TRPM1: variants seen among roughly 807,000 people sequenced by gnomAD.
TRPM1 encodes the protein transient receptor potential cation channel subfamily M member 1, also known as TRPM1-203 APA Isoform, Intron 10.
In TRPM1, 113 loss-of-function variants were observed where a neutral mutation model predicts 149.4. The ratio of observed to expected loss-of-function variants is 0.76; its 90% confidence interval spans 0.65 to 0.88. The LOEUF (loss-of-function observed/expected upper bound fraction) is 0.88. Among genes scored for constraint, TRPM1 ranks in the 40% least tolerant of loss-of-function variants. The probability of loss-of-function intolerance (pLI) is 0.00; values close to 1 mark genes in which losing one functional copy is unlikely to be tolerated. For missense variants in TRPM1, 1,976 were observed against 2,038.7 expected (o/e 0.97, Z 0.59); for synonymous variants, 741 against 759.5 (o/e 0.98, Z 0.40).
At chr15:31,100,866 G>A (rs573386544) in intron 1 of TRPM1, among the ~76,000 whole-genome samples, 66 of 152,270 alleles carry the variant, frequency 4.3e-4, no homozygotes, top group African/African-American at 1.5e-3. Flanking sequence ...TGTGCTTCCC[G>A]GTAGCACACA....
chr15:31,038,186 T>G lies in TRPM1; in HGVS notation c.2317-20A>C, dbSNP rs2033488249. ...GATAACCTACGGAACATAAATTGAT[T>G]TTTTAAGCTGTGGCAATTCTAGAAA... On this transcript the variant is annotated intron_variant, in intron 18 of 27. Transcript: ENST00000256552. The G allele has an allele frequency of 6.2e-7, 1 of 1,613,434 alleles. No homozygotes were observed. The highest frequency in any genetic ancestry group is 1.3e-5 in the African/African-American group (1 of 74,910).
Position 31,070,254 on chromosome 15 carries a change from T to C in TRPM1, c.84-28A>G, listed in dbSNP as rs749566355. The C allele has an allele frequency of 8.2e-6, 13 of 1,590,252 alleles. No homozygotes were observed. The South Asian group carries it at 1.4e-4, about 18-fold the overall frequency. On this transcript the variant is annotated intron_variant, in intron 3 of 27. Coordinates refer to ENST00000256552, the MANE Select transcript of TRPM1 (RefSeq NM_001252024.2). ...GAAAACAAAGGCAAAGCAGGGTCTT[T>C]CTACAACAATCTCCCCCTTTCCCCT...
At chr15:31,156,508 C>T (rs1171158791) in intron 1 of TRPM1, among the ~76,000 whole-genome samples, 1 of 152,194 alleles carries the variant, frequency 6.6e-6, no homozygotes, top group Non-Finnish European at 1.5e-5. Context: ...TTAACCCAGA[C>T]ACTTCTTTCT....
At chr15:31,047,556 C>G (rs533584664) in intron 14 of TRPM1, among the ~76,000 whole-genome samples, 4 of 152,166 alleles carry the variant, frequency 2.6e-5, no homozygotes, top group African/African-American at 9.7e-5. Flanking sequence ...AGGGACAGAA[C>G]GAGAGGCTGC....
intron 1 of TRPM1, among the ~76,000 whole-genome samples, chr15:31,095,614 G>A (rs1369367583): frequency 6.6e-6 from 1 of 152,088 alleles, no homozygotes; most frequent in African/African-American, 2.4e-5. Context: ...GAACCCAGGA[G>A]GCAGAGGTTG....
chr15:31,018,908 G>A (rs553224383), intron 27 of TRPM1, among the ~76,000 whole-genome samples: 2 of 152,258 alleles, frequency 1.3e-5, no homozygotes, highest in African/African-American at 4.8e-5. Context: ...AGCCCACCTT[G>A]GCCTCCCAAA....
At chr15:31,005,252 T>C (rs2031947928) in intron 27 of TRPM1, among the ~76,000 whole-genome samples, 1 of 152,172 alleles carries the variant, frequency 6.6e-6, no homozygotes, top group Non-Finnish European at 1.5e-5. Flanking sequence ...GTAAGAGATA[T>C]TGCCGCTGTG....
chr15:31,003,897 T>G (rs967275714), intron 27 of TRPM1, among the ~76,000 whole-genome samples: 8 of 152,130 alleles, frequency 5.3e-5, no homozygotes, highest in Admixed American at 5.2e-4. Context: ...CAACAGCCTA[T>G]GAAACCATAA....
chr15:31,138,996 A>T (rs2036125302), intron 1 of TRPM1, among the ~76,000 whole-genome samples: 1 of 152,128 alleles, frequency 6.6e-6, no homozygotes, highest in Non-Finnish European at 1.5e-5. Context: ...GCCTTTACCT[A>T]TGACCTTTTT....
intron 18 of TRPM1, among the ~76,000 whole-genome samples, chr15:31,039,587 A>G (rs1196922318): frequency 1.3e-5 from 2 of 152,236 alleles, no homozygotes; most frequent in Admixed American, 6.5e-5. Context: ...CCCAAGAGCT[A>G]GGGTTTGATT....
At chr15:31,119,901 T>C (rs896505524) in intron 1 of TRPM1, among the ~76,000 whole-genome samples, 26 of 152,036 alleles carry the variant, frequency 1.7e-4, no homozygotes, top group Admixed American at 1.6e-3. Context: ...TTTTATAAAA[T>C]GCTCAATTGA....
At chr15:31,003,188 G>A (rs2031858514) in intron 27 of TRPM1, 118 bp from the exon 28 acceptor site, 4 of 902,250 alleles carry the variant, frequency 4.4e-6, no homozygotes. Context: ...AACTGTTTGA[G>A]TATATTTACA....
At chr15:31,060,731 C>T (rs2034210122) in intron 10 of TRPM1, 87 bp from the exon 11 acceptor site, 1 of 1,030,122 alleles carries the variant, frequency 9.7e-7, no homozygotes, top group Admixed American at 1.9e-5. Context: ...GCACAGGCTT[C>T]CCTTGGGCTG....
rs536465442 is a variant in TRPM1, at chr15:31,042,381, G to A, written c.1795-138C>T. ...GAAGTACATCTTACATTTCCACTCCGCATATGAATTCTTTTGAAAAGATGC... is the reference window on the plus strand; with the variant it reads ...GAAGTACATCTTACATTTCCACTCCACATATGAATTCTTTTGAAAAGATGC... On this transcript the variant is annotated intron_variant, in intron 16 of 27. Coordinates refer to ENST00000256552, the MANE Select transcript of TRPM1 (RefSeq NM_001252024.2). The A allele has an allele frequency of 1.4e-5, 12 of 862,082 alleles. No individual in the cohort carries two copies. The South Asian group carries it at 1.4e-4, about 10-fold the overall frequency. 53.4% of individuals were successfully genotyped at this position (862,082 alleles called of 1,614,324 possible). A position where few individuals can be genotyped will look rare whatever the true frequency, so the allele number is the denominator to read the frequency against.
chr15:31,071,607 C>CTCTT (rs143676287), intron 3 of TRPM1, among the ~76,000 whole-genome samples: 2,315 of 151,964 alleles, frequency 0.015, 64 homozygotes, highest in African/African-American at 0.051. Flanking sequence ...CTCCCTCTTT[C>CTCTT]TCTCTCTCTT....
At chr15:31,117,021 C>A (rs1239896807) in intron 1 of TRPM1, among the ~76,000 whole-genome samples, 1 of 152,198 alleles carries the variant, frequency 6.6e-6, no homozygotes, top group South Asian at 2.1e-4. Flanking sequence ...TTTGGAATCA[C>A]CAGGCTGGGA....
At chr15:31,026,803 G>A (rs2032782320) in intron 26 of TRPM1, 112 bp downstream of exon 26, 8 of 1,104,870 alleles carry the variant, frequency 7.2e-6, no homozygotes, top group Non-Finnish European at 9.5e-6. Flanking sequence ...GTTGGACTGA[G>A]TGTGGTGCTT....
rs1304029600 is a variant in TRPM1 at position 31,037,798 on chromosome 15, G to A, written c.2484C>T (p.Asn828=). The A allele has an allele frequency of 7.4e-6, 12 of 1,614,122 alleles. No homozygotes were observed. The highest frequency in any genetic ancestry group is 4.5e-5 in the East Asian group (2 of 44,886). Residue 828 remains asparagine (N), a synonymous_variant, in exon 20 of 28, where the codon AAC becomes AAT. Transcript: ENST00000256552. ...DAGSRKGDEE[N]EHKKQRSIPI... Reference sequence around the variant, plus strand: ...GAATACTTCTCTGTTTTTTGTGCTCGTTCTCCTCATCCCCCTTTCTTGAGC... The same window carrying A: ...GAATACTTCTCTGTTTTTTGTGCTCATTCTCCTCATCCCCCTTTCTTGAGC...
chr15:31,088,835 G>A (rs569925078), intron 1 of TRPM1, among the ~76,000 whole-genome samples: 1 of 150,626 alleles, frequency 6.6e-6, no homozygotes, highest in Non-Finnish European at 1.5e-5. Context: ...CTTTGTACCG[G>A]GGCGATGCGA....
Sources: gnomAD v4.1 joint callset for allele counts (sites outside exome capture counted in the v4.1 genomes callset) on GRCh38, gnomAD v4.1.1 for gene constraint, MANE v1.5 for transcripts, NCBI Gene and HGNC (gene_info 2026-07-23, HGNC 2026-07-21) for gene names.